The following TLK1 variants were observed in gnomAD, a reference collection of about 807,000 sequenced individuals.
TLK1 encodes tousled like kinase 1.
In TLK1, 24 loss-of-function variants were observed where a neutral mutation model predicts 105.3. That is an observed-to-expected ratio of 0.23 (90% CI 0.17 to 0.32). The LOEUF is 0.32. Among genes scored for constraint, TLK1 ranks in the 10% least tolerant of loss-of-function variants. TLK1 has a pLI of 1.00. For synonymous variants in TLK1, 321 were observed against 310.4 expected (o/e 1.03, Z -0.36); for missense variants, 558 against 910.5 (o/e 0.61, Z 4.98).
intron 3 of TLK1, among the ~76,000 whole-genome samples, chr2:171,074,775 T>G (rs1352612524): frequency 1.3e-5 from 2 of 151,864 alleles, no homozygotes; most frequent in African/African-American, 2.4e-5. Flanking sequence ...ACCACAAACA[T>G]CATTTATCAC....
intron 11 of TLK1, 140 bp downstream of exon 11, chr2:171,046,034 G>T: frequency 1.5e-6 from 1 of 673,472 alleles, no homozygotes. Context: ...TTAATTTAGA[G>T]CTAAATTTTC....
At chr2:171,101,484 G>A (rs947459064) in intron 2 of TLK1, among the ~76,000 whole-genome samples, 1 of 152,142 alleles carries the variant, frequency 6.6e-6, no homozygotes, top group Non-Finnish European at 1.5e-5. Context: ...GTAGGCTAGG[G>A]AAGAAGGAAA....
At chr2:171,121,809 G>C (rs1393877652) in intron 1 of TLK1, among the ~76,000 whole-genome samples, 1 of 152,104 alleles carries the variant, frequency 6.6e-6, no homozygotes, top group African/African-American at 2.4e-5. Context: ...GTTTTTCCCA[G>C]ATATATAGCT....
intron 20 of TLK1, 69 bp downstream of exon 20, chr2:170,996,584 T>G: frequency 7.6e-7 from 1 of 1,313,658 alleles, no homozygotes; most frequent in Non-Finnish European, 1.1e-6. Context: ...GGAAAGTACT[T>G]ACCTTGTTGT....
chr2:171,091,603 TTTA>T (rs1295972318), intron 2 of TLK1: 1 of 152,138 alleles, frequency 6.6e-6, no homozygotes, highest in Non-Finnish European at 1.5e-5. Context: ...ATACATAATC[TTTA>T]CCCATACCTA....
At chr2:171,135,319 G>GTA (rs201751767) in intron 1 of TLK1, among the ~76,000 whole-genome samples, 11,009 of 69,896 alleles carry the variant, frequency 0.16, 653 homozygotes, top group East Asian at 0.38. Context: ...GTGTGTGTGT[G>GTA]TATATATATA....
At chr2:171,006,744 G>C in intron 16 of TLK1, 56 bp downstream of exon 16, 1 of 1,591,392 alleles carries the variant, frequency 6.3e-7, no homozygotes. Flanking sequence ...CACAGGATGG[G>C]GAAAGAGAAA....
At chr2:171,058,237 T>A in intron 4 of TLK1, 40 bp from the exon 5 acceptor site, 1 of 1,585,902 alleles carries the variant, frequency 6.3e-7, no homozygotes, top group Non-Finnish European at 8.6e-7. Context: ...AGGGTAGTGA[T>A]GGGCATCAAA....
At chr2:171,184,060 T>C (rs1030483917) in intron 1 of TLK1, among the ~76,000 whole-genome samples, 3 of 152,156 alleles carry the variant, frequency 2.0e-5, no homozygotes, top group African/African-American at 7.2e-5. Flanking sequence ...GGAGAAACTT[T>C]CCTAGCTGTG....
intron 2 of TLK1, among the ~76,000 whole-genome samples, chr2:171,110,117 T>C (rs1020419045): frequency 2.0e-5 from 3 of 152,220 alleles, no homozygotes; most frequent in African/African-American, 7.2e-5. Context: ...ATGGTTATAA[T>C]ACCTTTATTC....
intron 18 of TLK1, 151 bp downstream of exon 18, chr2:171,005,996 A>G: frequency 1.5e-6 from 1 of 663,476 alleles, no homozygotes; most frequent in Non-Finnish European, 2.3e-6. Context: ...GAATGACCAC[A>G]GAAGTCTCCC....
At chr2:171,064,485 T>C (rs1172051607) in intron 3 of TLK1, among the ~76,000 whole-genome samples, 2 of 152,210 alleles carry the variant, frequency 1.3e-5, no homozygotes, top group Non-Finnish European at 2.9e-5. Context: ...AGGTATATAA[T>C]GTGCACATAT....
chr2:171,000,947 C>A (rs998345653), intron 18 of TLK1, among the ~76,000 whole-genome samples: 11 of 152,290 alleles, frequency 7.2e-5, no homozygotes, highest in African/African-American at 2.6e-4. Context: ...CACCTTAATT[C>A]CTCTGGAGGG....
intron 2 of TLK1, among the ~76,000 whole-genome samples, chr2:171,085,453 G>C (rs1001053359): frequency 2.0e-5 from 3 of 151,914 alleles, no homozygotes; most frequent in Admixed American, 6.6e-5. Context: ...GTTGTCAGTT[G>C]TTGTTTTTTA....
At chr2:171,134,190 A>G (rs1039420290) in intron 1 of TLK1, among the ~76,000 whole-genome samples, 3 of 152,138 alleles carry the variant, frequency 2.0e-5, no homozygotes, top group Non-Finnish European at 2.9e-5. Flanking sequence ...AATCAATCCC[A>G]TATCTTTTTT....
Position 171,050,145 on chromosome 2 carries a change from A to C in TLK1, c.762T>G (p.Asp254Glu). The C allele has an allele frequency of 1.3e-6, 2 of 1,597,216 alleles. No homozygotes were observed. The highest frequency in any genetic ancestry group is 1.7e-6 in the Non-Finnish European group (2 of 1,169,542). ...ATTTTTCAAGTAATTTTTGTTGTTCATCTATTTGCCGTCTGAGATCACAGT... is the reference window on the plus strand; with the variant it reads ...ATTTTTCAAGTAATTTTTGTTGTTCCTCTATTTGCCGTCTGAGATCACAGT... ...RANCDLRRQIDEQQKLLEKYK... is the reference protein window; with the variant it reads ...RANCDLRRQIEEQQKLLEKYK... Residue 254 changes from aspartate (D) to glutamate (E), a missense_variant, in exon 9 of 21, where the codon GAT becomes GAG. Asp to Glu is a conservative substitution (Grantham distance 45). Coordinates refer to ENST00000431350, the MANE Select transcript of TLK1 (RefSeq NM_012290.5).
At chr2:171,225,084 G>T (rs182289618) in intron 1 of TLK1, among the ~76,000 whole-genome samples, 4 of 151,988 alleles carry the variant, frequency 2.6e-5, no homozygotes, top group Non-Finnish European at 4.4e-5. Flanking sequence ...ATATCTCAAG[G>T]CAGGCACTAA....
intron 2 of TLK1, among the ~76,000 whole-genome samples, chr2:171,117,140 G>A (rs1235498794): frequency 6.6e-6 from 1 of 152,158 alleles, no homozygotes; most frequent in African/African-American, 2.4e-5. Flanking sequence ...GTGGGGAATA[G>A]TTTAGAGATG....
chr2:171,101,586 A>G (rs970254750), intron 2 of TLK1, among the ~76,000 whole-genome samples: 3 of 152,220 alleles, frequency 2.0e-5, no homozygotes, highest in Non-Finnish European at 4.4e-5. Flanking sequence ...AAGTGAATAC[A>G]TTAAAAACCA....
Sources: gnomAD v4.1 joint callset for allele counts (sites outside exome capture counted in the v4.1 genomes callset) on GRCh38, gnomAD v4.1.1 for gene constraint, MANE v1.5 for transcripts, NCBI Gene and HGNC (gene_info 2026-07-23, HGNC 2026-07-21) for gene names.